The following EPG5 variants were observed in gnomAD, a reference collection of about 807,000 sequenced individuals.
The protein encoded by EPG5 is ectopic P granules protein 5 homolog.
A neutral mutation model predicts 302.7 loss-of-function variants in EPG5; 159 were observed. The observed-to-expected ratio is 0.53, with a 90% CI of 0.46 to 0.60. EPG5 has a LOEUF of 0.60. Ranked by LOEUF, EPG5 falls within the 20% of genes least tolerant of loss-of-function variation. The pLI is 0.00. For synonymous variants in EPG5, 1,158 were observed against 1,136.8 expected, an observed-to-expected ratio of 1.02 and a Z score of -0.37; for missense variants, 2,896 against 3,092.4, an observed-to-expected ratio of 0.94 and a Z score of 1.51.
At chr18:45,802,731 C>T in the EPG5 span, among the ~76,000 whole-genome samples, 2,548 of 152,302 alleles carry the variant, frequency 0.017, 78 homozygotes, top group African/African-American at 0.059. Context: ...ATTCAAATTG[C>T]ATTTATTTGC....
the EPG5 span, among the ~76,000 whole-genome samples, chr18:45,809,762 AAAAGGTCTG>A: frequency 7.7e-4 from 117 of 152,330 alleles, 1 homozygote; most frequent in East Asian, 0.022. Context: ...TGCCCACATC[AAAAGGTCTG>A]AAAGAGCACA....
At chr18:45,821,016 T>C in the EPG5 span, among the ~76,000 whole-genome samples, 10 of 152,362 alleles carry the variant, frequency 6.6e-5, no homozygotes, top group Admixed American at 5.2e-4. Flanking sequence ...GCTTCCACAG[T>C]ATTTCACTGT....
intron 39 of EPG5, among the ~76,000 whole-genome samples, chr18:45,864,437 C>T (rs946059510): frequency 6.6e-6 from 1 of 151,852 alleles, no homozygotes; most frequent in Admixed American, 6.6e-5. Context: ...TTCTACAATC[C>T]CTTGCTTCTT....
At chr18:45,858,478 T>G in intron 41 of EPG5, 88 bp downstream of exon 41, 1 of 980,348 alleles carries the variant, frequency 1.0e-6, no homozygotes, top group Admixed American at 2.0e-5. Flanking sequence ...ACCTCTTGGT[T>G]CTGTGTACTT....
At chr18:45,890,381 G>T (rs2049315610) in intron 27 of EPG5, among the ~76,000 whole-genome samples, 1 of 152,196 alleles carries the variant, frequency 6.6e-6, no homozygotes, top group East Asian at 1.9e-4. Context: ...TTGAAAGGAA[G>T]AAAATATATA....
At chr18:45,960,720 T>G (rs189113223) in intron 1 of EPG5, among the ~76,000 whole-genome samples, 65 of 152,310 alleles carry the variant, frequency 4.3e-4, no homozygotes, top group African/African-American at 1.6e-3. Flanking sequence ...GGAGATGGAA[T>G]TCTGGGCATT....
the EPG5 span, among the ~76,000 whole-genome samples, chr18:45,834,856 G>A: frequency 6.6e-5 from 10 of 152,354 alleles, no homozygotes; most frequent in Admixed American, 1.3e-4. Context: ...TGAGGTCACA[G>A]AAAGTGAGAA....
At chr18:45,820,151 C>A in the EPG5 span, among the ~76,000 whole-genome samples, 7 of 152,056 alleles carry the variant, frequency 4.6e-5, no homozygotes, top group Admixed American at 3.3e-4. Flanking sequence ...TGAAAATAAC[C>A]GGGTTTTCCA....
chr18:45,870,523 A>G, intron 36 of EPG5, 44 bp downstream of exon 36: 2 of 1,573,264 alleles, frequency 1.3e-6, no homozygotes. Context: ...GCTCCCTAGA[A>G]GCCAGATCTC....
intron 27 of EPG5, among the ~76,000 whole-genome samples, chr18:45,892,287 C>CT (rs1382370087): frequency 1.3e-5 from 2 of 152,156 alleles, no homozygotes; most frequent in South Asian, 4.1e-4. Context: ...TGAAAGTTTT[C>CT]TTTTTTTACT....
chr18:45,837,620 G>C, the EPG5 span: 2 of 1,508,848 alleles, frequency 1.3e-6, no homozygotes, highest in Non-Finnish European at 1.8e-6. Flanking sequence ...CCGCCACTAC[G>C]ACGGGCCGCT....
intron 2 of EPG5, chr18:45,953,114 AGTGGGCCAAGATTAC>A (rs1391608192): frequency 1.0e-5 from 2 of 192,824 alleles, no homozygotes; most frequent in Admixed American, 1.3e-4. Context: ...TAGAGGTTGC[AGTGGGCCAAGATTAC>A]GCCACTGCAC....
At chr18:45,836,669 C>G in the EPG5 span, among the ~76,000 whole-genome samples, 2 of 152,228 alleles carry the variant, frequency 1.3e-5, no homozygotes, top group Non-Finnish European at 2.9e-5. Flanking sequence ...GGCAGTGAAA[C>G]AGCCCACCTC....
In EPG5 at chr18:45,899,559, C is replaced by A. The variant is rs372801548; in HGVS notation, c.4654G>T (p.Ala1552Ser). ...NLLQQQARTA[A>S]LRESQQVALD... ...GCAACCTGCTGAGATTCCCGAAGAG[C>A]TGCGGTTCTGAAAAACATCATCAGG... The change falls in exon 27 of 44, where the codon GCT (alanine) becomes TCT (serine). Residue 1552 changes from alanine (A) to serine (S), a missense_variant. This residue lies in a region of EPG5 where 790 missense variants were observed against 798.0 expected (regional missense o/e 0.99). Coordinates refer to ENST00000282041, the MANE Select transcript of EPG5 (RefSeq NM_020964.3). The A allele has an allele frequency of 6.2e-7, 1 of 1,613,964 alleles. No homozygotes were observed. Among genetic ancestry groups the A allele is most frequent in the African/African-American group, 1.3e-5 (1 of 75,000 alleles).
At chr18:45,876,062 GA>G (rs372969523) in intron 35 of EPG5, among the ~76,000 whole-genome samples, 173 bp downstream of exon 35, 4,322 of 91,678 alleles carry the variant, frequency 0.047, 150 homozygotes, top group African/African-American at 0.13. Context: ...ATCTCCAAAA[GA>G]AAAAAAAAAA....
chr18:45,842,267 C>A, the EPG5 span: 8 of 1,534,322 alleles, frequency 5.2e-6, no homozygotes, highest in African/African-American at 6.8e-5. Context: ...CACAGCCAGT[C>A]CTGGTTCTCG....
the EPG5 span, among the ~76,000 whole-genome samples, chr18:45,840,010 A>G: frequency 1.3e-5 from 2 of 151,926 alleles, no homozygotes; most frequent in Non-Finnish European, 2.9e-5. Flanking sequence ...TTTTTACTGG[A>G]TTGCTCCTCA....
chr18:45,929,461 G>A (rs1439400504), intron 12 of EPG5, among the ~76,000 whole-genome samples: 3 of 152,116 alleles, frequency 2.0e-5, no homozygotes, highest in African/African-American at 7.2e-5. Context: ...CAAAGTGTAT[G>A]TTACAATCCA....
At chr18:45,830,814 G>A in the EPG5 span, among the ~76,000 whole-genome samples, 1 of 147,352 alleles carries the variant, frequency 6.8e-6, no homozygotes, top group East Asian at 2.0e-4. Context: ...TGGCCAGGCT[G>A]GTCTTGAATT....
Sources: gnomAD v4.1 joint callset for allele counts (sites outside exome capture counted in the v4.1 genomes callset) on GRCh38, gnomAD v4.1.1 for gene constraint, gnomAD v4.1.1 regional missense constraint, MANE v1.5 for transcripts, NCBI Gene and HGNC (gene_info 2026-07-23, HGNC 2026-07-21) for gene names.